The following EYS variants were observed in gnomAD, a reference collection of about 807,000 sequenced individuals.
EYS encodes protein eyes shut homolog.
A neutral mutation model predicts 282.1 loss-of-function variants in EYS; 250 were observed. The observed-to-expected ratio is 0.89, with a 90% confidence interval of 0.80 to 0.98. The LOEUF (loss-of-function observed/expected upper bound fraction) is 0.98. Among genes scored for constraint, EYS ranks in the 50% least tolerant of loss-of-function variants. The pLI is 0.00. For missense variants in EYS, 4,016 were observed against 3,709.0 expected, an observed-to-expected ratio of 1.08 and a Z score of -2.15; for synonymous variants, 1,355 against 1,282.9, an observed-to-expected ratio of 1.06 and a Z score of -1.20.
chr6:64,212,255 T>A (rs1393528158), intron 31 of EYS, among the ~76,000 whole-genome samples: 2 of 152,048 alleles, frequency 1.3e-5, no homozygotes, highest in African/African-American at 4.8e-5. Flanking sequence ...GTAGGACTAC[T>A]CAAATAATTT....
At chr6:63,950,532 A>T (rs2149764974) in intron 35 of EYS, among the ~76,000 whole-genome samples, 1 of 152,180 alleles carries the variant, frequency 6.6e-6, no homozygotes, top group East Asian at 1.9e-4. Flanking sequence ...CCAGGTGATT[A>T]AAAAGCTTTA....
chr6:64,583,294 A>T (rs983148563), intron 26 of EYS, among the ~76,000 whole-genome samples: 3 of 152,100 alleles, frequency 2.0e-5, no homozygotes, highest in African/African-American at 4.8e-5. Flanking sequence ...TGGGACATAA[A>T]CATTATTCAA....
chr6:64,729,104 G>A (rs1007496530), intron 22 of EYS: 1 of 152,418 alleles, frequency 6.6e-6, no homozygotes, highest in African/African-American at 2.4e-5. Flanking sequence ...TGGGCCATAG[G>A]TGGTTTTGGA....
intron 23 of EYS, among the ~76,000 whole-genome samples, chr6:64,619,102 G>A (rs1375137758): frequency 6.6e-6 from 1 of 152,152 alleles, no homozygotes; most frequent in Non-Finnish European, 1.5e-5. Context: ...GATGTCCCTG[G>A]AGGGATATAG....
chr6:65,282,946 C>T (rs1768265505), intron 12 of EYS, among the ~76,000 whole-genome samples: 1 of 151,788 alleles, frequency 6.6e-6, no homozygotes, highest in African/African-American at 2.4e-5. Context: ...ATATTTTCTC[C>T]AAATGCCATT....
chr6:63,862,729 G>A (rs981345462), intron 36 of EYS, among the ~76,000 whole-genome samples: 2 of 152,128 alleles, frequency 1.3e-5, no homozygotes, highest in African/African-American at 4.8e-5. Context: ...CATCTGAAAA[G>A]CATGAGATTT....
At chr6:64,299,897 C>A (rs1315014168) in intron 30 of EYS, among the ~76,000 whole-genome samples, 4 of 152,022 alleles carry the variant, frequency 2.6e-5, no homozygotes, top group Non-Finnish European at 5.9e-5. Flanking sequence ...CACAGAAGAG[C>A]CTAAAAAGGA....
chr6:65,268,654 A>G (rs535343686), intron 12 of EYS, among the ~76,000 whole-genome samples: 3 of 152,096 alleles, frequency 2.0e-5, no homozygotes, highest in Non-Finnish European at 4.4e-5. Flanking sequence ...TGAACTTTTT[A>G]GCAACTATAT....
intron 33 of EYS, among the ~76,000 whole-genome samples, chr6:64,012,287 AT>A (rs1298729348): frequency 6.6e-6 from 1 of 152,216 alleles, no homozygotes; most frequent in Non-Finnish European, 1.5e-5. Flanking sequence ...CTTAGGCTAC[AT>A]TTAAGATAGA....
At chr6:65,503,290 T>G (rs1219824356) in intron 2 of EYS, among the ~76,000 whole-genome samples, 1 of 151,652 alleles carries the variant, frequency 6.6e-6, no homozygotes, top group African/African-American at 2.4e-5. Flanking sequence ...TCTATTCAGA[T>G]CTTATGCACG....
At chr6:64,777,370 G>A (rs1320793014) in intron 22 of EYS, among the ~76,000 whole-genome samples, 1 of 152,084 alleles carries the variant, frequency 6.6e-6, no homozygotes, top group Non-Finnish European at 1.5e-5. Context: ...TGGTGAACAT[G>A]CTGTTGGAGT....
intron 2 of EYS, among the ~76,000 whole-genome samples, chr6:65,605,014 T>TTG (rs1366002832): frequency 5.4e-4 from 82 of 151,234 alleles, no homozygotes; most frequent in African/African-American, 1.8e-3. Context: ...CAGCTATTTT[T>TTG]TTTTTTTTTT....
At chr6:64,003,788 C>T (rs1483666020) in intron 33 of EYS, among the ~76,000 whole-genome samples, 4 of 152,176 alleles carry the variant, frequency 2.6e-5, no homozygotes, top group Admixed American at 2.6e-4. Context: ...AGGTGGTTAC[C>T]TCCATGCTGT....
intron 2 of EYS, among the ~76,000 whole-genome samples, chr6:65,538,703 A>T (rs1019481723): frequency 2.0e-5 from 3 of 152,144 alleles, no homozygotes; most frequent in African/African-American, 7.2e-5. Flanking sequence ...AGTCGCAACA[A>T]TTCTTTCAAA....
chr6:65,578,037 A>G (rs1358929827), intron 2 of EYS, among the ~76,000 whole-genome samples: 5 of 151,862 alleles, frequency 3.3e-5, no homozygotes, highest in Admixed American at 3.3e-4. Context: ...AAAAAATTGA[A>G]AATAGGAGCA....
intron 1 of EYS, 21 bp downstream of exon 1, chr6:65,707,114 G>A (rs1158722562): frequency 6.6e-6 from 1 of 152,088 alleles, no homozygotes; most frequent in Non-Finnish European, 1.5e-5. Flanking sequence ...TAATTTCTAG[G>A]TGGAATCAAG....
intron 12 of EYS, among the ~76,000 whole-genome samples, chr6:65,085,762 C>T (rs770738081): frequency 6.6e-6 from 1 of 152,198 alleles, no homozygotes; most frequent in South Asian, 2.1e-4. Context: ...CCACTTTTCT[C>T]TATTCCCTTT....
At chr6:65,579,088 C>T (rs960286129) in intron 2 of EYS, among the ~76,000 whole-genome samples, 4 of 152,056 alleles carry the variant, frequency 2.6e-5, no homozygotes, top group African/African-American at 9.7e-5. Context: ...ATGGCAGTGA[C>T]CTAATGGCCA....
chr6:65,358,398 C>T lies in EYS; in HGVS notation c.1300-4781G>A, dbSNP rs540689961. On this transcript the variant is annotated intron_variant, in intron 8 of 42. Transcript: ENST00000503581. ...TAAGGTGATCAACTTAACTGTTTGC[C>T]TGGGACTTTCTGTTTTTAAAAGCTA... 4.6e-5 allele frequency among the ~76,000 whole-genome samples: 7 copies of T among 151,878 alleles called. No homozygotes were observed. The East Asian group carries it at 1.2e-3, about 25-fold the overall frequency.
Sources: gnomAD v4.1 joint callset for allele counts (sites outside exome capture counted in the v4.1 genomes callset) on GRCh38, gnomAD v4.1.1 for gene constraint, MANE v1.5 for transcripts, NCBI Gene and HGNC (gene_info 2026-07-23, HGNC 2026-07-21) for gene names.